Variants in SLC17A8 observed in about 807,000 individuals in gnomAD.
The protein encoded by SLC17A8 is vesicular glutamate transporter 3.
In SLC17A8, 31 loss-of-function variants were observed where a neutral mutation model predicts 58.0. The observed-to-expected ratio is 0.53, with a 90% CI of 0.40 to 0.72. The LOEUF is 0.72. Among genes scored for constraint, SLC17A8 ranks in the 30% least tolerant of loss-of-function variants. The probability of loss-of-function intolerance (pLI) is 0.00; values close to 1 mark genes in which losing one functional copy is unlikely to be tolerated. For missense variants in SLC17A8, 655 were observed against 727.8 expected (o/e 0.90, Z 1.15); for synonymous variants, 228 against 249.0 (o/e 0.92, Z 0.79).
chr12:100,418,288 C>CTTTT, intron 11 of SLC17A8, 132 bp downstream of exon 11: 1 of 1,002,604 alleles, frequency 1.0e-6, no homozygotes, highest in Non-Finnish European at 1.5e-6. Flanking sequence ...AGCTGAACTT[C>CTTTT]TTTTTTTTTT....
At chr12:100,377,706 A>C (rs1952604941) in intron 1 of SLC17A8, among the ~76,000 whole-genome samples, 2 of 148,588 alleles carry the variant, frequency 1.3e-5, no homozygotes, top group Admixed American at 6.9e-5. Flanking sequence ...CTCCTGCCTC[A>C]GTCTCCCGAG....
chr12:100,378,521 A>G (rs961853113), intron 1 of SLC17A8, among the ~76,000 whole-genome samples: 2 of 152,096 alleles, frequency 1.3e-5, no homozygotes, highest in African/African-American at 4.8e-5. Flanking sequence ...GAAAGAGAAA[A>G]TGTCTTTTAT....
At chr12:100,398,457 T>G (rs1240379533) in intron 5 of SLC17A8, among the ~76,000 whole-genome samples, 3 of 152,208 alleles carry the variant, frequency 2.0e-5, no homozygotes, top group Non-Finnish European at 4.4e-5. Context: ...TGAGCATGAC[T>G]AGCAGCCACT....
chr12:100,376,149 G>T (rs1286177351), intron 1 of SLC17A8, among the ~76,000 whole-genome samples: 1 of 152,150 alleles, frequency 6.6e-6, no homozygotes, highest in Non-Finnish European at 1.5e-5. Flanking sequence ...AAGAAACCAA[G>T]GCCTGCTGAA....
Position 100,394,319 on chromosome 12 carries a change from C to CA in SLC17A8, c.588+842dup, listed in dbSNP as rs1261018138. Among the ~76,000 whole-genome samples, 6 of 147,996 alleles carry CA rather than the reference C, an allele frequency of 4.1e-5. No homozygotes were observed. In the East Asian group the frequency reaches 1.2e-3, roughly 30 times the overall value. On this transcript the variant is annotated intron_variant, in intron 4 of 11. Transcript: ENST00000323346. ...TTCCCCTAGATCGACTCATTTAAAA[C>CA]AAAAAACAAAAGATACCTATTACTC...
chr12:100,364,173 A>T (rs903171754), intron 1 of SLC17A8, among the ~76,000 whole-genome samples: 1 of 152,036 alleles, frequency 6.6e-6, no homozygotes, highest in Admixed American at 6.6e-5. Context: ...TCTTCACCAT[A>T]AATTGGGTGT....
intron 6 of SLC17A8, 117 bp downstream of exon 6, chr12:100,401,980 G>A (rs1952794387): frequency 3.6e-6 from 3 of 833,212 alleles, no homozygotes; most frequent in Non-Finnish European, 6.3e-6. Flanking sequence ...CAAGTTTATT[G>A]TATAAATGGA....
In SLC17A8 at chr12:100,396,376, C is replaced by T. The variant is rs1952754049; in HGVS notation, c.635C>T (p.Pro212Leu). Residue 212 changes from proline (P) to leucine (L), a missense_variant, in exon 5 of 12, where the codon CCA (proline) becomes CTA (leucine). Transcript: ENST00000323346. ...ACHGMWSKWA[P>L]PLERSRLATT... is the part of the protein sequence containing the mutation. ...CATGGGATGTGGAGTAAGTGGGCAC[C>T]ACCTTTGGAGAGAAGCCGACTGGCC... 6.2e-7 allele frequency: 1 copy of T among 1,614,026 alleles called. No individual in the cohort carries two copies. Among genetic ancestry groups the T allele is most frequent in the African/African-American group, 1.3e-5 (1 of 75,016 alleles).
chr12:100,376,928 G>A (rs1952598522), intron 1 of SLC17A8, among the ~76,000 whole-genome samples: 1 of 152,086 alleles, frequency 6.6e-6, no homozygotes, highest in Admixed American at 6.5e-5. Context: ...TCATGCCTCA[G>A]CCTCCGGAGT....
At chr12:100,396,831 T>C (rs1952757928) in intron 5 of SLC17A8, among the ~76,000 whole-genome samples, 1 of 152,178 alleles carries the variant, frequency 6.6e-6, no homozygotes, top group East Asian at 1.9e-4. Flanking sequence ...AAAATGAGTC[T>C]ATTTATTTTA....
chr12:100,376,700 G>A (rs1952596923), intron 1 of SLC17A8, among the ~76,000 whole-genome samples: 1 of 152,208 alleles, frequency 6.6e-6, no homozygotes, highest in African/African-American at 2.4e-5. Context: ...GGAGAGAACT[G>A]AATTTGCCTC....
chr12:100,372,886 C>T lies in SLC17A8; in HGVS notation c.102-7815C>T, dbSNP rs372039713. On this transcript the variant is annotated intron_variant, in intron 1 of 11. Transcript: ENST00000323346. ...AGCCAGTAAATGGATTTTTAAAATA[C>T]GTAAAATTATCTGCAAGTTCTCTCA... 2.8e-3 allele frequency among the ~76,000 whole-genome samples: 427 copies of T among 152,186 alleles called. 1 individual carries two copies. Among genetic ancestry groups the T allele is most frequent in the African/African-American group, 9.2e-3 (384 of 41,542 alleles).
intron 1 of SLC17A8, among the ~76,000 whole-genome samples, chr12:100,360,461 G>T (rs1162033068): frequency 3.3e-5 from 5 of 152,092 alleles, no homozygotes; most frequent in Non-Finnish European, 5.9e-5. Context: ...TTGGGATAGG[G>T]TCTCACTCTG....
rs945845760 is a variant in SLC17A8, at chr12:100,421,742, A to G, written c.*1583A>G. On this transcript the variant is annotated 3_prime_UTR_variant, in exon 12 of 12. Coordinates refer to ENST00000323346, the MANE Select transcript of SLC17A8 (RefSeq NM_139319.3). ...TACTAGCTGAGTTGTAGTGTATTTTATAAATGGAATAATCTTGGGGAAAAA... is the reference window on the plus strand; with the variant it reads ...TACTAGCTGAGTTGTAGTGTATTTTGTAAATGGAATAATCTTGGGGAAAAA... 1 of 125,986 alleles carries G rather than the reference A, an allele frequency of 7.9e-6. No homozygotes were observed. Among genetic ancestry groups the G allele is most frequent in the Non-Finnish European group, 1.6e-5 (1 of 64,172 alleles). The allele number at this position is 125,986 out of a possible 1,614,324, so 7.8% of individuals were successfully genotyped here. A position where few individuals can be genotyped will look rare whatever the true frequency, so the allele number is the denominator to read the frequency against.
In SLC17A8 at chr12:100,357,417, TCAAA is replaced by T. The variant is rs759548310; in HGVS notation, c.27_30del (p.Phe9LeufsTer5). The T allele has an allele frequency of 2.5e-6, 4 of 1,613,156 alleles. No homozygotes were observed. The Admixed American group carries it at 5.0e-5, about 20-fold the overall frequency. ...ATGCCTTTTAAAGCATTTGATACCT[TCAAA>T]GAAAAAATTCTGAAACCTGGGAAGG... On this transcript the variant is annotated frameshift_variant, in exon 1 of 12. Transcript: ENST00000323346. LOFTEE classifies it high-confidence loss of function.
intron 9 of SLC17A8, among the ~76,000 whole-genome samples, chr12:100,409,627 G>T (rs1450664997): frequency 6.6e-6 from 1 of 152,186 alleles, no homozygotes; most frequent in Non-Finnish European, 1.5e-5. Context: ...GGTGATGTCA[G>T]CTTCATTGGT....
chr12:100,394,628 C>T (rs1417851949), intron 4 of SLC17A8, among the ~76,000 whole-genome samples: 2 of 150,564 alleles, frequency 1.3e-5, no homozygotes, highest in African/African-American at 4.9e-5. Context: ...GTCTTGAACT[C>T]CTGACCTCAG....
intron 1 of SLC17A8, among the ~76,000 whole-genome samples, chr12:100,367,097 C>T (rs1473283862): frequency 1.3e-5 from 2 of 152,086 alleles, no homozygotes; most frequent in East Asian, 1.9e-4. Context: ...AAATATAGTT[C>T]GTTTGTGGGT....
intron 1 of SLC17A8, among the ~76,000 whole-genome samples, chr12:100,377,649 C>A (rs917969607): frequency 3.4e-5 from 5 of 145,786 alleles, no homozygotes; most frequent in Non-Finnish European, 5.9e-5. Context: ...AATGCAATGC[C>A]GCTATATCAG....
Sources: allele counts gnomAD v4.1 joint callset (sites outside exome capture counted in the v4.1 genomes callset), GRCh38; gene constraint gnomAD v4.1.1; transcripts MANE v1.5; gene names NCBI Gene and HGNC (gene_info 2026-07-23, HGNC 2026-07-21).